The following PALM2AKAP2 variants were observed in gnomAD, a reference collection of about 807,000 sequenced individuals.
PALM2AKAP2 encodes the protein PALM2-AKAP2 fusion protein.
In PALM2AKAP2, 37 loss-of-function variants were observed where a neutral mutation model predicts 71.5. The ratio of observed to expected loss-of-function variants is 0.52; its 90% CI spans 0.40 to 0.68. PALM2AKAP2 has a LOEUF of 0.68. Ranked by LOEUF, PALM2AKAP2 falls within the 30% of genes least tolerant of loss-of-function variation. The pLI is 0.00. For missense variants in PALM2AKAP2, 1,224 were observed against 1,191.8 expected (o/e 1.03, Z -0.40); for synonymous variants, 468 against 478.8 (o/e 0.98, Z 0.29).
intron 2 of PALM2AKAP2, among the ~76,000 whole-genome samples, chr9:109,874,701 A>G (rs1829681193): frequency 6.6e-6 from 1 of 152,170 alleles, no homozygotes; most frequent in Non-Finnish European, 1.5e-5. Flanking sequence ...AACATGCCCA[A>G]AATGAAAGAT....
At chr9:109,832,168 C>A (rs764349558) in intron 1 of PALM2AKAP2, among the ~76,000 whole-genome samples, 4 of 152,214 alleles carry the variant, frequency 2.6e-5, no homozygotes, top group African/African-American at 9.6e-5. Context: ...AGAGGTCACA[C>A]GCAGAGTGTC....
intron 1 of PALM2AKAP2, among the ~76,000 whole-genome samples, chr9:109,654,781 A>G (rs375132824): frequency 1.1e-4 from 11 of 96,392 alleles, no homozygotes; most frequent in African/African-American, 3.1e-4. Flanking sequence ...GTGTGTGTAT[A>G]TGTATTAAAC....
At chr9:110,085,927 T>C (rs1021409368) in intron 1 of PALM2AKAP2, among the ~76,000 whole-genome samples, 1 of 152,038 alleles carries the variant, frequency 6.6e-6, no homozygotes, top group African/African-American at 2.4e-5. Flanking sequence ...GCCAAAATGT[T>C]GAAACCCCAT....
intron 1 of PALM2AKAP2, among the ~76,000 whole-genome samples, chr9:109,764,007 T>C (rs1829103412): frequency 6.6e-6 from 1 of 152,144 alleles, no homozygotes; most frequent in African/African-American, 2.4e-5. Flanking sequence ...CATTCACAAG[T>C]ACAAGGGGTA....
chr9:109,942,474 G>A (rs1052561410), intron 6 of PALM2AKAP2, among the ~76,000 whole-genome samples: 5 of 152,148 alleles, frequency 3.3e-5, no homozygotes, highest in Admixed American at 2.0e-4. Flanking sequence ...TATAGCAACC[G>A]TGCATCTGTC....
chr9:110,169,184 AAAAC>A (rs1373215396), exon 4 of PALM2AKAP2: 2 of 152,700 alleles, frequency 1.3e-5, no homozygotes, highest in African/African-American at 4.8e-5. Context: ...GGGGAAGAGA[AAAAC>A]AAACCAAATG....
chr9:110,127,445 C>G (rs1310586266), intron 1 of PALM2AKAP2, among the ~76,000 whole-genome samples: 2 of 152,148 alleles, frequency 1.3e-5, no homozygotes, highest in Non-Finnish European at 2.9e-5. Flanking sequence ...ACAATCAACA[C>G]GGGCCCCTAG....
At chr9:109,738,078 A>G (rs1450267861) in intron 1 of PALM2AKAP2, among the ~76,000 whole-genome samples, 1 of 152,250 alleles carries the variant, frequency 6.6e-6, no homozygotes, top group African/African-American at 2.4e-5. Flanking sequence ...TGGAAAAAAA[A>G]GAAGTGGTAC....
intron 1 of PALM2AKAP2, among the ~76,000 whole-genome samples, chr9:109,754,323 A>T (rs1372601391): frequency 6.6e-6 from 1 of 152,206 alleles, no homozygotes; most frequent in Non-Finnish European, 1.5e-5. Flanking sequence ...ATCCTATAAC[A>T]GAATCCAAAA....
At chr9:109,949,990 T>G (rs1362130647) in intron 6 of PALM2AKAP2, among the ~76,000 whole-genome samples, 2 of 152,064 alleles carry the variant, frequency 1.3e-5, no homozygotes, top group Non-Finnish European at 2.9e-5. Flanking sequence ...ACCACCAATA[T>G]AAATCTTATA....
At chr9:110,064,789 T>C (rs1465835506) in intron 1 of PALM2AKAP2, among the ~76,000 whole-genome samples, 2 of 152,228 alleles carry the variant, frequency 1.3e-5, no homozygotes, top group Non-Finnish European at 2.9e-5. Flanking sequence ...TCATTCATTA[T>C]TTTTGGGACC....
At chr9:110,023,305 C>CTTTTTTTTTTTTTTTTTTTTTT (rs149672913) in intron 7 of PALM2AKAP2, among the ~76,000 whole-genome samples, 3 of 74,046 alleles carry the variant, frequency 4.1e-5, no homozygotes, top group African/African-American at 1.2e-4. Context: ...ATTGTGGTTT[C>CTTTTTTTTTTTTTTTTTTTTTT]TTTTTTTTTT....
intron 2 of PALM2AKAP2, among the ~76,000 whole-genome samples, chr9:110,152,983 G>T (rs1403252477): frequency 6.6e-6 from 1 of 152,120 alleles, no homozygotes. Flanking sequence ...TCCTAAGGGG[G>T]TAGATAGAAC....
intron 1 of PALM2AKAP2, among the ~76,000 whole-genome samples, chr9:110,131,261 C>G (rs1301600197): frequency 6.6e-6 from 1 of 152,172 alleles, no homozygotes. Context: ...AGGGCTCTAC[C>G]TGGAGGGTGA....
At chr9:110,112,818 G>C (rs918609237) in intron 1 of PALM2AKAP2, among the ~76,000 whole-genome samples, 14 of 152,194 alleles carry the variant, frequency 9.2e-5, no homozygotes, top group African/African-American at 3.1e-4. Flanking sequence ...TTGGTTTCCT[G>C]ATATGTAAAC....
At chr9:109,879,852 C>T (rs939367063) in intron 2 of PALM2AKAP2, among the ~76,000 whole-genome samples, 1 of 152,114 alleles carries the variant, frequency 6.6e-6, no homozygotes, top group Non-Finnish European at 1.5e-5. Context: ...CGTGCACCAC[C>T]ACACCCAGCT....
chr9:110,125,572 G>C (rs1835584743), intron 1 of PALM2AKAP2: 1 of 985,514 alleles, frequency 1.0e-6, no homozygotes, highest in African/African-American at 1.7e-5. Flanking sequence ...CACTGAGGAG[G>C]TTTGAGGCGC....
chr9:109,698,261 A>G (rs1394303902), intron 1 of PALM2AKAP2, among the ~76,000 whole-genome samples: 1 of 149,338 alleles, frequency 6.7e-6, no homozygotes, highest in African/African-American at 2.5e-5. Flanking sequence ...CTTCACCTGC[A>G]TGTGTGCTAC....
intron 1 of PALM2AKAP2, among the ~76,000 whole-genome samples, chr9:109,773,414 G>A (rs1158048919): frequency 6.6e-6 from 1 of 152,134 alleles, no homozygotes; most frequent in African/African-American, 2.4e-5. Flanking sequence ...TGGGATTGTG[G>A]GCATGAGTCA....
Sources: gnomAD v4.1 joint callset for allele counts (sites outside exome capture counted in the v4.1 genomes callset) on GRCh38, gnomAD v4.1.1 for gene constraint, MANE v1.5 for transcripts, NCBI Gene and HGNC (gene_info 2026-07-23, HGNC 2026-07-21) for gene names.